The following LRRC56 variants were observed in gnomAD, a reference collection of about 807,000 sequenced individuals.
The protein encoded by LRRC56 is leucine-rich repeat-containing protein 56.
LRRC56 carries 41 observed loss-of-function variants against 47.8 expected under a neutral mutation model. The ratio of observed to expected loss-of-function variants is 0.86; its 90% CI spans 0.67 to 1.11. The LOEUF is 1.11. LRRC56 is among the 50% of genes most tolerant of loss of function. The pLI is 0.00. For synonymous variants in LRRC56, 387 were observed against 311.2 expected (o/e 1.24, Z -2.56); for missense variants, 759 against 704.2 (o/e 1.08, Z -0.88).
intron 6 of LRRC56, among the ~76,000 whole-genome samples, chr11:548,490 C>T (rs895913472): frequency 1.0e-4 from 15 of 146,670 alleles, no homozygotes; most frequent in African/African-American, 3.7e-4. Context: ...CGGAGGCTCG[C>T]TCTGTCGTCC....
At position 541,317 on chromosome 11, in the gene LRRC56, G is replaced by T. The variant is rs745906433; in HGVS notation, c.178-220G>T. 2.0e-5 allele frequency among the ~76,000 whole-genome samples: 3 copies of T among 152,186 alleles called. No homozygotes were observed. Among genetic ancestry groups the T allele is most frequent in the Non-Finnish European group, 4.4e-5 (3 of 68,012 alleles). On this transcript the variant is annotated intron_variant, in intron 4 of 13. Transcript: ENST00000270115. The surrounding 1 kb of genome is among the most constrained non-coding windows in gnomAD (Gnocchi z 4.1). Reference sequence around the variant, plus strand: ...TGGAGACGGGCAGCCCCCAGGGCAGGTCCTTCTCCCGCAATGACCCCCCAG... The same window carrying T: ...TGGAGACGGGCAGCCCCCAGGGCAGTTCCTTCTCCCGCAATGACCCCCCAG...
chr11:514,332 A>T, the LRRC56 span, among the ~76,000 whole-genome samples: 2 of 148,888 alleles, frequency 1.3e-5, no homozygotes, highest in African/African-American at 2.5e-5. Flanking sequence ...TGTTGCCCAG[A>T]CTAGAGTGCA....
chr11:511,158 A>G, the LRRC56 span, among the ~76,000 whole-genome samples: 1 of 151,414 alleles, frequency 6.6e-6, no homozygotes, highest in Non-Finnish European at 1.5e-5. Context: ...CGTCTCTACT[A>G]AAAATACAAA....
chr11:520,260 A>T, the LRRC56 span, among the ~76,000 whole-genome samples: 1 of 131,368 alleles, frequency 7.6e-6, no homozygotes, highest in African/African-American at 2.9e-5. Context: ...CTTTATTAGA[A>T]CGCGGCCTGA....
chr11:554,217 G>T lies in LRRC56; in HGVS notation c.1570G>T (p.Ala524Ser). The T allele has an allele frequency of 6.5e-7, 1 of 1,526,792 alleles. No individual in the cohort carries two copies. 94.6% of individuals were successfully genotyped at this position (1,526,792 alleles called of 1,614,324 possible). The change falls in exon 14 of 14, where the codon GCA (alanine) becomes TCA (serine). Residue 524 changes from alanine (A) to serine (S), a missense_variant. By Grantham distance (99) the Ala-to-Ser change is moderately conservative. Transcript: ENST00000270115. ...GCPGPKPAPD[A>S]AARPPRAAEL... is the part of the protein sequence containing the mutation. Reference sequence around the variant, plus strand: ...TCCTGGCCCAAAGCCAGCACCAGATGCAGCAGCTAGACCTCCCAGGGCAGC... The same window carrying T: ...TCCTGGCCCAAAGCCAGCACCAGATTCAGCAGCTAGACCTCCCAGGGCAGC...
At chr11:521,760 A>T in the LRRC56 span, among the ~76,000 whole-genome samples, 1 of 152,096 alleles carries the variant, frequency 6.6e-6, no homozygotes, top group African/African-American at 2.4e-5. Flanking sequence ...TAAAAAATAC[A>T]AAAAATTAGC....
chr11:520,616 G>C, the LRRC56 span, among the ~76,000 whole-genome samples: 2 of 152,110 alleles, frequency 1.3e-5, no homozygotes, highest in East Asian at 3.9e-4. Flanking sequence ...ACCGCGCCCG[G>C]CCTAGTATTG....
chr11:522,565 C>T, the LRRC56 span, among the ~76,000 whole-genome samples: 1 of 151,978 alleles, frequency 6.6e-6, no homozygotes, highest in Non-Finnish European at 1.5e-5. Flanking sequence ...CGCACCTGGC[C>T]ATTTCTGTAC....
At chr11:509,035 A>T in the LRRC56 span, among the ~76,000 whole-genome samples, 1 of 152,048 alleles carries the variant, frequency 6.6e-6, no homozygotes, top group African/African-American at 2.4e-5. Flanking sequence ...ACAAGAGCGA[A>T]ACTCCATCTC....
At chr11:535,774 G>A (rs1047068675), upstream of LRRC56, among the ~76,000 whole-genome samples, 1 of 152,084 alleles carries the variant, frequency 6.6e-6, no homozygotes, top group Admixed American at 6.5e-5. Context: ...GCTGGAGACC[G>A]GAGCCGAGCT....
the LRRC56 span, among the ~76,000 whole-genome samples, chr11:525,123 G>A: frequency 6.6e-6 from 1 of 151,454 alleles, no homozygotes; most frequent in Non-Finnish European, 1.5e-5. Context: ...ACAACTTGGG[G>A]CCGGGCGCGG....
Position 554,112 on chromosome 11 carries a change from C to G in LRRC56, c.1465C>G (p.Leu489Val), listed in dbSNP as rs200103306. The G allele has an allele frequency of 6.2e-7, 1 of 1,605,962 alleles. No individual in the cohort carries two copies. Among genetic ancestry groups the G allele is most frequent in the Non-Finnish European group, 8.5e-7 (1 of 1,178,090 alleles). ...LRVLGSWGPG[L>V]GDGVAAVPVL... ...AGTCCTGGGCAGCTGGGGGCCTGGC[C>G]TGGGTGATGGGGTGGCTGCAGTGCC... Residue 489 changes from leucine (L) to valine (V), a missense_variant, in exon 14 of 14, where the codon CTG becomes GTG. By Grantham distance (32) the Leu-to-Val change is conservative. Coordinates refer to ENST00000270115, the MANE Select transcript of LRRC56 (RefSeq NM_198075.4).
rs754876473 is a variant in LRRC56 at position 551,678 on chromosome 11, G to A, written c.824G>A (p.Arg275Lys). 8 of 1,596,570 alleles carry A rather than the reference G, an allele frequency of 5.0e-6. No homozygotes were observed. Among genetic ancestry groups the A allele is most frequent in the Admixed American group, 1.8e-5 (1 of 56,938 alleles). Residue 275 changes from arginine to lysine, a missense_variant, in exon 10 of 14, where the codon AGA becomes AAA. By Grantham distance (26) the Arg-to-Lys change is conservative. Transcript: ENST00000270115. ...LDCPRGAPIRRLDPELSLPET... is the reference protein window; with the variant it reads ...LDCPRGAPIRKLDPELSLPET... Reference sequence around the variant, plus strand: ...TGTCCCCGTGGAGCCCCCATCCGGAGACTTGACCCCGAGCTGTCCCTGCCT... The same window carrying A: ...TGTCCCCGTGGAGCCCCCATCCGGAAACTTGACCCCGAGCTGTCCCTGCCT...
Position 541,634 on chromosome 11 carries a change from T to A in LRRC56, c.265+10T>A. ...AGCCTGGGGAACTTTGGTGAGCCTC[T>A]TCCCACCCCGCCATGGCCACGGCCA... On this transcript the variant is annotated intron_variant, in intron 5 of 13. Coordinates refer to ENST00000270115, the MANE Select transcript of LRRC56 (RefSeq NM_198075.4). This position sits in a 1 kb window ranked among gnomAD's most constrained non-coding sequence, Gnocchi z 4.1. The A allele has an allele frequency of 6.5e-7, 1 of 1,543,490 alleles. No individual in the cohort carries two copies. The highest frequency in any genetic ancestry group is 8.8e-7 in the Non-Finnish European group (1 of 1,138,996).
upstream of LRRC56, chr11:533,923 C>T (rs1564789708): frequency 6.2e-7 from 1 of 1,612,450 alleles, no homozygotes; most frequent in South Asian, 1.1e-5. Flanking sequence ...CCATCAATGA[C>T]CACCTGCTTC....
the LRRC56 span, among the ~76,000 whole-genome samples, chr11:508,142 C>A: frequency 1.3e-4 from 20 of 152,344 alleles, no homozygotes; most frequent in Middle Eastern, 3.4e-3. Flanking sequence ...TAGCAATTTG[C>A]TAAACCTCTC....
upstream of LRRC56, chr11:533,247 C>T: frequency 6.5e-7 from 1 of 1,544,412 alleles, no homozygotes; most frequent in Non-Finnish European, 8.7e-7. Flanking sequence ...CCTCGCCTCC[C>T]TCACTGCCCT....
At chr11:512,553 G>A in the LRRC56 span, among the ~76,000 whole-genome samples, 4 of 152,084 alleles carry the variant, frequency 2.6e-5, no homozygotes, top group African/African-American at 7.2e-5. Flanking sequence ...TGATCCATAC[G>A]TTTGCGTTTA....
intron 12 of LRRC56, 108 bp from the exon 13 acceptor site, chr11:552,461 G>A (rs1852455176): frequency 1.6e-6 from 2 of 1,222,746 alleles, no homozygotes; most frequent in Middle Eastern, 2.8e-4. Flanking sequence ...CAGGGCTGGG[G>A]CTACCTTGGC....
Sources: gnomAD v4.1 joint callset for allele counts (sites outside exome capture counted in the v4.1 genomes callset) on GRCh38, gnomAD v4.1.1 for gene constraint, Gnocchi (gnomAD v3.1) non-coding constraint, MANE v1.5 for transcripts, NCBI Gene and HGNC (gene_info 2026-07-23, HGNC 2026-07-21) for gene names.